Variants in FHIT observed in about 807,000 individuals in gnomAD.
The protein encoded by FHIT is bis(5'-adenosyl)-triphosphatase.
A neutral mutation model predicts 17.9 loss-of-function variants in FHIT; 19 were observed. The observed-to-expected ratio is 1.06, with a 90% CI of 0.74 to 1.56. The LOEUF (loss-of-function observed/expected upper bound fraction) is 1.56, where lower values mean the gene tolerates loss of function less well. Ranked by LOEUF, FHIT falls within the 40% of genes most tolerant of loss-of-function variation. The pLI is 0.00. For missense variants in FHIT, 248 were observed against 189.2 expected, an observed-to-expected ratio of 1.31 and a Z score of -1.82; for synonymous variants, 81 against 69.7, an observed-to-expected ratio of 1.16 and a Z score of -0.81.
At chr3:60,177,266 TAA>T (rs746547888) in intron 5 of FHIT, among the ~76,000 whole-genome samples, 51 of 131,710 alleles carry the variant, frequency 3.9e-4, no homozygotes, top group Non-Finnish European at 3.3e-4. Context: ...AAGCCAAGGT[TAA>T]AAAAAAAAAA....
intron 5 of FHIT, among the ~76,000 whole-genome samples, chr3:60,023,101 T>G (rs1422079552): frequency 6.6e-6 from 1 of 152,180 alleles, no homozygotes; most frequent in Admixed American, 6.5e-5. Flanking sequence ...GAGTTAAGAC[T>G]TGAAGGAGTA....
intron 5 of FHIT, among the ~76,000 whole-genome samples, chr3:60,190,899 C>A (rs1011049114): frequency 6.6e-6 from 1 of 151,898 alleles, no homozygotes; most frequent in Non-Finnish European, 1.5e-5. Flanking sequence ...GCCGAGATTG[C>A]ACCCTTGCAC....
intron 5 of FHIT, among the ~76,000 whole-genome samples, chr3:60,135,004 G>C (rs574950609): frequency 3.9e-5 from 6 of 152,174 alleles, no homozygotes; most frequent in African/African-American, 1.2e-4. Context: ...AGATGAAAAA[G>C]GATAGAAGAG....
intron 8 of FHIT, among the ~76,000 whole-genome samples, chr3:59,844,655 C>T (rs1376051685): frequency 6.6e-6 from 1 of 152,114 alleles, no homozygotes. Flanking sequence ...CATCCATACA[C>T]TCCAAGAATA....
intron 8 of FHIT, among the ~76,000 whole-genome samples, chr3:59,880,557 T>G (rs1260942818): frequency 6.6e-6 from 1 of 152,200 alleles, no homozygotes; most frequent in African/African-American, 2.4e-5. Context: ...CACAACTAAG[T>G]ACCTGTGTCC....
chr3:60,858,195 T>C (rs1213701610), intron 3 of FHIT, among the ~76,000 whole-genome samples: 2 of 152,134 alleles, frequency 1.3e-5, no homozygotes, highest in African/African-American at 2.4e-5. Context: ...GTGCAGATTC[T>C]CTTGTAAGCA....
In FHIT at chr3:61,157,098, A is replaced by G. The variant is rs1407931598; in HGVS notation, c.-164+43519T>C. On this transcript the variant is annotated intron_variant, in intron 2 of 9. Coordinates refer to ENST00000492590, the MANE Select transcript of FHIT (RefSeq NM_002012.4). ...TAAATTTTGCTAAGCATATTCAACTACTGAAAATACCATACGACAACAGAG... is the reference window on the plus strand; with the variant it reads ...TAAATTTTGCTAAGCATATTCAACTGCTGAAAATACCATACGACAACAGAG... Among the ~76,000 whole-genome samples, 4 of 152,210 alleles carry G rather than the reference A, an allele frequency of 2.6e-5. No homozygotes were observed. The East Asian group carries it at 7.7e-4, about 29-fold the overall frequency.
chr3:60,220,623 C>T (rs1427644015), intron 5 of FHIT, among the ~76,000 whole-genome samples: 1 of 151,946 alleles, frequency 6.6e-6, no homozygotes, highest in Non-Finnish European at 1.5e-5. Flanking sequence ...ATAACATTTC[C>T]TACCACCTTT....
chr3:61,094,236 T>C (rs989640244), intron 2 of FHIT, among the ~76,000 whole-genome samples: 3 of 152,112 alleles, frequency 2.0e-5, no homozygotes, highest in African/African-American at 7.2e-5. Context: ...CAGGATGCAG[T>C]AGAGTTTCTG....
intron 2 of FHIT, among the ~76,000 whole-genome samples, chr3:61,061,092 A>C (rs1158348710): frequency 6.6e-6 from 1 of 152,228 alleles, no homozygotes; most frequent in African/African-American, 2.4e-5. Flanking sequence ...TTGTCGAATC[A>C]GCTGTCCCAC....
chr3:60,120,115 C>T (rs1204507731), intron 5 of FHIT, among the ~76,000 whole-genome samples: 1 of 152,124 alleles, frequency 6.6e-6, no homozygotes, highest in East Asian at 1.9e-4. Context: ...CAACCTTTTC[C>T]AGTCCTCTCA....
chr3:60,071,415 T>C (rs181160772), intron 5 of FHIT, among the ~76,000 whole-genome samples: 11 of 152,338 alleles, frequency 7.2e-5, no homozygotes, highest in Non-Finnish European at 2.9e-5. Context: ...ATCATATTTC[T>C]ACCGGGCACT....
At chr3:60,487,326 A>G (rs1210745168) in intron 5 of FHIT, among the ~76,000 whole-genome samples, 4 of 152,190 alleles carry the variant, frequency 2.6e-5, no homozygotes, top group Non-Finnish European at 4.4e-5. Flanking sequence ...TAGAATGAGA[A>G]ACTTACTCAG....
At chr3:59,939,502 G>A (rs576835068) in intron 7 of FHIT, among the ~76,000 whole-genome samples, 18 of 152,268 alleles carry the variant, frequency 1.2e-4, no homozygotes, top group East Asian at 1.9e-4. Flanking sequence ...AATTTGCGGC[G>A]CAGGAGGTGA....
intron 4 of FHIT, among the ~76,000 whole-genome samples, chr3:60,588,777 A>C (rs1553663081): frequency 1.3e-5 from 2 of 152,000 alleles, no homozygotes; most frequent in Non-Finnish European, 2.9e-5. Flanking sequence ...AGCTTCCCAA[A>C]GTGTTGGGAT....
At chr3:60,730,229 C>A in intron 4 of FHIT, 1 of 279,036 alleles carries the variant, frequency 3.6e-6, no homozygotes, top group East Asian at 1.0e-4. Flanking sequence ...TGCTGTACAG[C>A]TGTCATGGCC....
At chr3:60,684,666 T>A (rs940077286) in intron 4 of FHIT, among the ~76,000 whole-genome samples, 1 of 152,024 alleles carries the variant, frequency 6.6e-6, no homozygotes, top group East Asian at 1.9e-4. Context: ...ACAAATTCCA[T>A]TGCGCATCCG....
chr3:61,092,228 G>C (rs1448490961), intron 2 of FHIT, among the ~76,000 whole-genome samples: 1 of 152,032 alleles, frequency 6.6e-6, no homozygotes, highest in East Asian at 1.9e-4. Flanking sequence ...GGTGGAGAAG[G>C]CTATTCCCCA....
chr3:60,024,216 C>G (rs549757294), intron 5 of FHIT, among the ~76,000 whole-genome samples: 38 of 152,170 alleles, frequency 2.5e-4, no homozygotes, highest in Non-Finnish European at 4.7e-4. Flanking sequence ...ATGACAGATA[C>G]TAATGTTAAT....
Sources: allele counts gnomAD v4.1 joint callset (sites outside exome capture counted in the v4.1 genomes callset), GRCh38; gene constraint gnomAD v4.1.1; transcripts MANE v1.5; gene names NCBI Gene and HGNC (gene_info 2026-07-23, HGNC 2026-07-21).